KALRN: variants seen among roughly 807,000 people sequenced by gnomAD.
The protein encoded by KALRN is kalirin.
KALRN carries 70 observed loss-of-function variants against 353.7 expected under a neutral mutation model. The observed-to-expected ratio is 0.20, with a 90% confidence interval of 0.16 to 0.24. The LOEUF (loss-of-function observed/expected upper bound fraction) is 0.24, where lower values mean the gene tolerates loss of function less well. KALRN is among the 10% of genes least tolerant of loss of function. The probability of loss-of-function intolerance (pLI) is 1.00; values close to 1 mark genes in which losing one functional copy is unlikely to be tolerated. For missense variants in KALRN, 2,791 were observed against 3,756.7 expected, an observed-to-expected ratio of 0.74 and a Z score of 6.72; for synonymous variants, 1,391 against 1,434.8, an observed-to-expected ratio of 0.97 and a Z score of 0.69.
In KALRN at chr3:124,661,016, A is replaced by G. The variant is rs745324902; in HGVS notation, c.6267+43A>G. The G allele has an allele frequency of 4.2e-6, 6 of 1,414,086 alleles. No individual in the cohort carries two copies. In the East Asian group the frequency reaches 1.4e-4, roughly 32 times the overall value. 87.6% of individuals were successfully genotyped at this position (1,414,086 alleles called of 1,614,324 possible). ...AATGCTTGCTGTTCTTAGGGACCAT[A>G]TTGGATATCTTTCTCTAGAGGGGAA... On this transcript the variant is annotated intron_variant, in intron 44 of 59. Transcript: ENST00000682506.
chr3:124,208,766 A>AC (rs2150476469), intron 1 of KALRN, among the ~76,000 whole-genome samples: 2 of 152,190 alleles, frequency 1.3e-5, no homozygotes, highest in East Asian at 3.9e-4. Context: ...GGAATTCAAA[A>AC]CCAATCTGGG....
intron 6 of KALRN, among the ~76,000 whole-genome samples, chr3:124,309,308 T>C (rs1018895587): frequency 2.0e-5 from 3 of 150,588 alleles, no homozygotes; most frequent in Non-Finnish European, 4.4e-5. Context: ...ATTACCCTGA[T>C]ACCAAATCCA....
intron 34 of KALRN, among the ~76,000 whole-genome samples, chr3:124,606,533 A>T (rs2077367766): frequency 2.0e-5 from 3 of 152,260 alleles, no homozygotes; most frequent in African/African-American, 7.2e-5. Context: ...GAACCATAAA[A>T]GACAAATATA....
At chr3:124,718,899 C>T in intron 59 of KALRN, 26 bp from the exon 60 acceptor site, 2 of 1,606,618 alleles carry the variant, frequency 1.2e-6, no homozygotes, top group Non-Finnish European at 1.7e-6. Flanking sequence ...CCCTTCTTTT[C>T]TCCCTGCTTC....
chr3:124,075,289 T>G (rs1001118614), intron 1 of KALRN, among the ~76,000 whole-genome samples: 4 of 152,220 alleles, frequency 2.6e-5, no homozygotes, highest in Admixed American at 2.6e-4. Flanking sequence ...TGCCATATGG[T>G]TCTGGTGATT....
At chr3:124,699,798 T>A in intron 55 of KALRN, 71 bp from the exon 56 acceptor site, 1 of 1,449,594 alleles carries the variant, frequency 6.9e-7, no homozygotes, top group South Asian at 1.2e-5. Flanking sequence ...CCTGTCTTTG[T>A]TTGCTGAAGG....
chr3:124,353,638 A>G (rs1341626637), intron 10 of KALRN, among the ~76,000 whole-genome samples: 1 of 152,098 alleles, frequency 6.6e-6, no homozygotes, highest in African/African-American at 2.4e-5. Context: ...TCTTCTTGCC[A>G]GAGATGATGA....
At chr3:124,584,030 A>G (rs1367420177) in intron 34 of KALRN, among the ~76,000 whole-genome samples, 4 of 152,180 alleles carry the variant, frequency 2.6e-5, no homozygotes, top group Admixed American at 6.5e-5. Context: ...AAGAAAATCT[A>G]CAACCGTGGA....
At chr3:124,475,740 G>A (rs1491001548) in intron 26 of KALRN, among the ~76,000 whole-genome samples, 2 of 152,138 alleles carry the variant, frequency 1.3e-5, no homozygotes, top group African/African-American at 4.8e-5. Context: ...ATCACAGCCA[G>A]TCCCACAACT....
At chr3:124,597,452 G>A (rs1222041431) in intron 34 of KALRN, among the ~76,000 whole-genome samples, 2 of 152,250 alleles carry the variant, frequency 1.3e-5, no homozygotes, top group Non-Finnish European at 2.9e-5. Flanking sequence ...GAGCATAGCA[G>A]CCTGGGATGA....
intron 34 of KALRN, among the ~76,000 whole-genome samples, chr3:124,565,154 G>A (rs561555429): frequency 7.2e-5 from 11 of 152,190 alleles, no homozygotes; most frequent in Non-Finnish European, 4.4e-5. Flanking sequence ...TGAATTGTTT[G>A]TGCTGCATCC....
At chr3:124,569,138 C>A (rs571704546) in intron 34 of KALRN, among the ~76,000 whole-genome samples, 2 of 152,164 alleles carry the variant, frequency 1.3e-5, no homozygotes, top group Admixed American at 1.3e-4. Flanking sequence ...TAAGGAAATA[C>A]CTCTCTGCTT....
chr3:124,277,190 A>G (rs550468991), intron 5 of KALRN, among the ~76,000 whole-genome samples: 3 of 152,258 alleles, frequency 2.0e-5, no homozygotes, highest in East Asian at 3.9e-4. Context: ...GTGTGGTTCA[A>G]TTGCCTGAGC....
chr3:124,279,620 C>T (rs918260212), intron 5 of KALRN, among the ~76,000 whole-genome samples: 3 of 152,172 alleles, frequency 2.0e-5, no homozygotes, highest in African/African-American at 7.2e-5. Context: ...GTATTAGACA[C>T]AAGGTCAGCT....
In KALRN at chr3:124,640,635, C is replaced by T. The variant is rs540386407; in HGVS notation, c.5664+3332C>T. Among the ~76,000 whole-genome samples the T allele has an allele frequency of 3.9e-5, 6 of 152,222 alleles. No individual in the cohort carries two copies. The South Asian group carries it at 1.2e-3, about 32-fold the overall frequency. Reference sequence around the variant, plus strand: ...TGCAACCTTCTACAATGTTCTTGAACAAACTGGAGGGGCCCAGAGGAGGTA... The same window carrying T: ...TGCAACCTTCTACAATGTTCTTGAATAAACTGGAGGGGCCCAGAGGAGGTA... On this transcript the variant is annotated intron_variant, in intron 37 of 59. Transcript: ENST00000682506.
chr3:124,037,936 G>A (rs2039585488), intron 1 of KALRN, among the ~76,000 whole-genome samples: 1 of 152,186 alleles, frequency 6.6e-6, no homozygotes. Flanking sequence ...GGGCGACTCA[G>A]GGAAATCCAG....
chr3:124,475,392 C>T (rs1353484365), intron 26 of KALRN, among the ~76,000 whole-genome samples: 4 of 152,136 alleles, frequency 2.6e-5, no homozygotes, highest in Admixed American at 6.6e-5. Flanking sequence ...TAAACTGAAA[C>T]GTTAGTCTTC....
At chr3:124,151,526 A>G (rs1256743262) in intron 1 of KALRN, among the ~76,000 whole-genome samples, 2 of 152,110 alleles carry the variant, frequency 1.3e-5, no homozygotes, top group Non-Finnish European at 2.9e-5. Context: ...CTTTTGCCTC[A>G]TCTTTGCTAT....
chr3:124,242,718 T>G (rs115857947), intron 3 of KALRN, among the ~76,000 whole-genome samples: 1,929 of 152,176 alleles, frequency 0.013, 34 homozygotes, highest in African/African-American at 0.044. Context: ...AGGTGGTAAT[T>G]ACCTCAGTTT....
Sources: gnomAD v4.1 joint callset for allele counts (sites outside exome capture counted in the v4.1 genomes callset) on GRCh38, gnomAD v4.1.1 for gene constraint, MANE v1.5 for transcripts, NCBI Gene and HGNC (gene_info 2026-07-23, HGNC 2026-07-21) for gene names.